The following TACC1 variants were observed in gnomAD, a reference collection of about 807,000 sequenced individuals.
TACC1 encodes the protein transforming acidic coiled-coil containing protein 1.
TACC1 carries 48 observed loss-of-function variants against 84.4 expected under a neutral mutation model. That is an observed-to-expected ratio of 0.57 (90% CI 0.45 to 0.72). The LOEUF is 0.72. Ranked by LOEUF, TACC1 falls within the 30% of genes least tolerant of loss-of-function variation. TACC1 has a pLI of 0.00. For missense variants in TACC1, 920 were observed against 973.0 expected, an observed-to-expected ratio of 0.95 and a Z score of 0.72; for synonymous variants, 372 against 376.3, an observed-to-expected ratio of 0.99 and a Z score of 0.13.
chr8:38,734,524 A>C (rs1805582719), intron 1 of TACC1, among the ~76,000 whole-genome samples: 1 of 152,176 alleles, frequency 6.6e-6, no homozygotes, highest in Admixed American at 6.5e-5. Flanking sequence ...ATGAGGTTCC[A>C]GGCAGATACA....
chr8:38,826,187 A>G (rs748467628), intron 4 of TACC1, among the ~76,000 whole-genome samples: 2 of 152,150 alleles, frequency 1.3e-5, no homozygotes, highest in Non-Finnish European at 2.9e-5. Flanking sequence ...ATGGTGTAAG[A>G]TGTAAAAAAG....
chr8:38,825,866 A>G (rs990653479), intron 4 of TACC1, among the ~76,000 whole-genome samples: 14 of 152,228 alleles, frequency 9.2e-5, no homozygotes, highest in African/African-American at 3.4e-4. Context: ...CACTTATGTT[A>G]CAGAACTACT....
At chr8:38,822,047 A>AC (rs551341101) in intron 3 of TACC1, among the ~76,000 whole-genome samples, 79 of 151,418 alleles carry the variant, frequency 5.2e-4, no homozygotes, top group African/African-American at 1.7e-3. Context: ...ATAGTGAGAC[A>AC]CCCCCCCACA....
chr8:38,831,314 G>A (rs1829187619), intron 6 of TACC1, 137 bp downstream of exon 6: 1 of 859,552 alleles, frequency 1.2e-6, no homozygotes, highest in Non-Finnish European at 1.9e-6. Context: ...TTCTTCACTT[G>A]AGGAACACAT....
chr8:38,742,884 T>G (rs755411422), intron 2 of TACC1, among the ~76,000 whole-genome samples: 1 of 152,074 alleles, frequency 6.6e-6, no homozygotes, highest in Non-Finnish European at 1.5e-5. Context: ...CTGGCTAATT[T>G]TTGTATTTTT....
intron 6 of TACC1, among the ~76,000 whole-genome samples, chr8:38,835,518 C>T (rs1830051396): frequency 6.6e-6 from 1 of 152,188 alleles, no homozygotes; most frequent in Non-Finnish European, 1.5e-5. Context: ...TATGTATGGC[C>T]ATTTTGCATA....
intron 2 of TACC1, among the ~76,000 whole-genome samples, chr8:38,794,545 CGT>C (rs1201542255): frequency 2.2e-5 from 3 of 138,414 alleles, no homozygotes; most frequent in African/African-American, 8.6e-5. Context: ...TTAGACTGCA[CGT>C]GTGTGTGTGT....
chr8:38,812,342 G>T (rs1005116180), intron 2 of TACC1, among the ~76,000 whole-genome samples: 1 of 152,072 alleles, frequency 6.6e-6, no homozygotes, highest in East Asian at 1.9e-4. Flanking sequence ...AAACATGCTG[G>T]TTTTGCAGCT....
chr8:38,787,443 G>A lies in TACC1; in HGVS notation c.-140G>A. The A allele has an allele frequency of 7.4e-7, 1 of 1,359,106 alleles. No homozygotes were observed. The highest frequency in any genetic ancestry group is 9.4e-7 in the Non-Finnish European group (1 of 1,061,910). 84.2% of individuals were successfully genotyped at this position (1,359,106 alleles called of 1,614,324 possible). ...AAGCGCTCCACCAGGGCCCCCGACGGCACTCGTTTAACCACATCCGCGCCT... is the reference window on the plus strand; with the variant it reads ...AAGCGCTCCACCAGGGCCCCCGACGACACTCGTTTAACCACATCCGCGCCT... On this transcript the variant is annotated 5_prime_UTR_variant, in exon 1 of 13. Transcript: ENST00000317827.
At chr8:38,780,361 GTTGT>G (rs1815689101) in intron 3 of TACC1, among the ~76,000 whole-genome samples, 1 of 151,866 alleles carries the variant, frequency 6.6e-6, no homozygotes, top group Non-Finnish European at 1.5e-5. Context: ...TTATATTTTT[GTTGT>G]TTGTTCTTTT....
chr8:38,745,253 C>T, exon 3 of TACC1: 1 of 474,824 alleles, frequency 2.1e-6, no homozygotes, highest in South Asian at 3.2e-5. Context: ...GAGCTGCCTC[C>T]CCAGAAACAG....
intron 3 of TACC1, among the ~76,000 whole-genome samples, chr8:38,748,394 A>G (rs576087640): frequency 1.3e-5 from 2 of 152,286 alleles, no homozygotes; most frequent in African/African-American, 4.8e-5. Flanking sequence ...TGATAGAGTA[A>G]CCAACAAAAA....
At chr8:38,749,533 A>G (rs1418824634) in intron 3 of TACC1, among the ~76,000 whole-genome samples, 1 of 152,228 alleles carries the variant, frequency 6.6e-6, no homozygotes, top group Non-Finnish European at 1.5e-5. Flanking sequence ...ATCCAGCAGC[A>G]TAAAAAAGGT....
chr8:38,766,201 A>G (rs1812214312), intron 3 of TACC1, among the ~76,000 whole-genome samples: 1 of 152,186 alleles, frequency 6.6e-6, no homozygotes, highest in African/African-American at 2.4e-5. Context: ...TTACTTTGAC[A>G]TTGCTTCATT....
At chr8:38,738,491 T>C (rs542855862) in intron 1 of TACC1, among the ~76,000 whole-genome samples, 77 of 152,338 alleles carry the variant, frequency 5.1e-4, no homozygotes, top group Non-Finnish European at 9.7e-4. Flanking sequence ...CTTATATTTG[T>C]AGGGGCTTGT....
chr8:38,840,814 C>CT (rs1397570764), intron 9 of TACC1, among the ~76,000 whole-genome samples: 1 of 152,124 alleles, frequency 6.6e-6, no homozygotes. Flanking sequence ...CTTTGGGAGG[C>CT]TTGGGTAGGT....
intron 3 of TACC1, among the ~76,000 whole-genome samples, chr8:38,753,315 G>C (rs766261119): frequency 2.6e-5 from 4 of 152,084 alleles, no homozygotes; most frequent in Non-Finnish European, 5.9e-5. Flanking sequence ...TGTTGCCCAG[G>C]CTGGTCTCAA....
intron 2 of TACC1, among the ~76,000 whole-genome samples, chr8:38,806,477 A>T (rs942610028): frequency 1.7e-4 from 25 of 150,206 alleles, no homozygotes; most frequent in African/African-American, 2.7e-4. Context: ...TGTGTGTGTG[A>T]GAGAGAGAGA....
At chr8:38,796,547 T>C (rs1265063671) in intron 2 of TACC1, among the ~76,000 whole-genome samples, 1 of 152,234 alleles carries the variant, frequency 6.6e-6, no homozygotes, top group Non-Finnish European at 1.5e-5. Context: ...TTTAGGAAGT[T>C]GAAACATCAG....
Sources: gnomAD v4.1 joint callset for allele counts (sites outside exome capture counted in the v4.1 genomes callset) on GRCh38, gnomAD v4.1.1 for gene constraint, MANE v1.5 for transcripts, NCBI Gene and HGNC (gene_info 2026-07-23, HGNC 2026-07-21) for gene names.